Variants in TGFBR2 observed in about 807,000 individuals in gnomAD.
The protein encoded by TGFBR2 is transforming growth factor beta receptor 2.
A neutral mutation model predicts 49.0 loss-of-function variants in TGFBR2; 18 were observed. The ratio of observed to expected loss-of-function variants is 0.37; its 90% confidence interval spans 0.25 to 0.54. The LOEUF (loss-of-function observed/expected upper bound fraction) is 0.54. TGFBR2 is among the 20% of genes least tolerant of loss of function. The pLI, the probability that TGFBR2 is intolerant of heterozygous loss-of-function variation, is 0.85. For missense variants in TGFBR2, 525 were observed against 722.6 expected (o/e 0.73, Z 3.13); for synonymous variants, 282 against 275.9 (o/e 1.02, Z -0.22).
chr3:30,665,034 T>C (rs1204606785), intron 3 of TGFBR2, among the ~76,000 whole-genome samples: 1 of 152,204 alleles, frequency 6.6e-6, no homozygotes, highest in Non-Finnish European at 1.5e-5. Flanking sequence ...TGACAGTTTT[T>C]CGCACACCTT....
At chr3:30,664,597 A>G (rs939104242) in intron 3 of TGFBR2, among the ~76,000 whole-genome samples, 1 of 152,258 alleles carries the variant, frequency 6.6e-6, no homozygotes, top group Admixed American at 6.5e-5. Flanking sequence ...CCTGTGGTAT[A>G]CTTTCCTTTG....
chr3:30,673,779 T>C (rs1005863011), intron 4 of TGFBR2, among the ~76,000 whole-genome samples: 11 of 152,170 alleles, frequency 7.2e-5, no homozygotes, highest in African/African-American at 2.7e-4. Context: ...ATCACAAATA[T>C]TGTCTCTCAG....
In TGFBR2 at chr3:30,676,225, G is replaced by A. The variant is rs1484839213; in HGVS notation, c.1396+1979G>A. 1.3e-5 allele frequency among the ~76,000 whole-genome samples: 2 copies of A among 152,112 alleles called. No individual in the cohort carries two copies. The highest frequency in any genetic ancestry group is 1.5e-5 in the Non-Finnish European group (1 of 68,032). The stretch of plus-strand genomic sequence containing the variant: ...TAAATTTGGTCCTTTGGTTAAAGTG[G>A]GACCTGCTGCTATTTGTCCATTTGT... On this transcript the variant is annotated intron_variant, in intron 5 of 6. Coordinates refer to ENST00000295754, the MANE Select transcript of TGFBR2 (RefSeq NM_003242.6). The surrounding 1 kb of genome is among the most constrained non-coding windows in gnomAD (Gnocchi z 4.3).
chr3:30,668,143 T>TA (rs1699274281), intron 3 of TGFBR2, among the ~76,000 whole-genome samples: 1 of 152,170 alleles, frequency 6.6e-6, no homozygotes. Flanking sequence ...CTGTAAAATA[T>TA]AAAAAATTTG....
Position 30,672,365 on chromosome 3 carries a change from C to T in TGFBR2, c.1182C>T (p.Cys394=), listed in dbSNP as rs2125436774. 1 of 1,614,166 alleles carries T rather than the reference C, an allele frequency of 6.2e-7. No homozygotes were observed. ...NILVKNDLTC[C]LCDFGLSLRL... ...TCGTGAAGAACGACCTAACCTGCTG[C>T]CTGTGTGACTTTGGGCTTTCCCTGC... The change falls in exon 4 of 7, where the codon TGC becomes TGT. Residue 394 remains cysteine, a synonymous_variant. Transcript: ENST00000295754. The surrounding 1 kb of genome is among the most constrained non-coding windows in gnomAD (Gnocchi z 4.5).
chr3:30,654,807 G>A (rs1050429210), intron 3 of TGFBR2, among the ~76,000 whole-genome samples: 6 of 152,150 alleles, frequency 3.9e-5, no homozygotes, highest in Admixed American at 3.3e-4. Context: ...ACATGATATG[G>A]TTATTGATCT....
rs375786536 is a variant in TGFBR2, at chr3:30,656,678, T to C, written c.454+6218T>C. 4.5e-4 allele frequency among the ~76,000 whole-genome samples: 68 copies of C among 152,342 alleles called. 1 individual carries two copies. In the South Asian group the frequency reaches 0.013, roughly 29 times the overall value. ...GGACCACTTCCAGCTCCCAAATGAC[T>C]GGATCTTGGCCATCTTGCTTTTCCT... On this transcript the variant is annotated intron_variant, in intron 3 of 6. Coordinates refer to ENST00000295754, the MANE Select transcript of TGFBR2 (RefSeq NM_003242.6).
chr3:30,688,779 A>G (rs1699665740), intron 6 of TGFBR2, among the ~76,000 whole-genome samples: 1 of 152,236 alleles, frequency 6.6e-6, no homozygotes, highest in Non-Finnish European at 1.5e-5. Flanking sequence ...GTCCTGGGTT[A>G]AAACATTTTG....
intron 5 of TGFBR2, among the ~76,000 whole-genome samples, chr3:30,682,178 A>G (rs1438074949): frequency 6.6e-6 from 1 of 152,228 alleles, no homozygotes; most frequent in East Asian, 1.9e-4. Context: ...GTGGCGGTGC[A>G]GCTGGCCCTG....
intron 3 of TGFBR2, among the ~76,000 whole-genome samples, chr3:30,665,450 C>T (rs1015700271): frequency 6.6e-6 from 1 of 152,146 alleles, no homozygotes; most frequent in African/African-American, 2.4e-5. Flanking sequence ...ATCATGTTTA[C>T]AAAATAAATT....
intron 3 of TGFBR2, among the ~76,000 whole-genome samples, chr3:30,664,678 G>C (rs192021068): frequency 6.6e-6 from 1 of 152,164 alleles, no homozygotes; most frequent in Non-Finnish European, 1.5e-5. Flanking sequence ...GCACACGCGC[G>C]TGCGCGCACA....
intron 1 of TGFBR2, among the ~76,000 whole-genome samples, chr3:30,621,376 G>T (rs1698229429): frequency 6.7e-6 from 1 of 148,278 alleles, no homozygotes; most frequent in East Asian, 2.0e-4. Context: ...TGCCTCCTGG[G>T]TTCAAGTTAT....
intron 1 of TGFBR2, among the ~76,000 whole-genome samples, chr3:30,612,381 CTATG>C (rs1698046389): frequency 2.6e-5 from 4 of 151,886 alleles, no homozygotes; most frequent in Admixed American, 6.6e-5. Flanking sequence ...CGTGTGGTCT[CTATG>C]TGTGTATGCG....
intron 5 of TGFBR2, 49 bp downstream of exon 5, chr3:30,674,295 TA>T: frequency 1.2e-6 from 2 of 1,609,434 alleles, no homozygotes; most frequent in Middle Eastern, 3.5e-4. Flanking sequence ...GTCTTCAAAA[TA>T]AGATCATGTG....
chr3:30,611,674 T>C (rs1218831415), intron 1 of TGFBR2, among the ~76,000 whole-genome samples: 1 of 152,170 alleles, frequency 6.6e-6, no homozygotes, highest in East Asian at 1.9e-4. Context: ...GTTTCTTTTT[T>C]CATTGGGTTT....
In TGFBR2 at chr3:30,688,371, G is replaced by A. The variant is rs2125451536; in HGVS notation, c.1397-13G>A. 6.2e-7 allele frequency: 1 copy of A among 1,614,108 alleles called. No homozygotes were observed. Among genetic ancestry groups the A allele is most frequent in the South Asian group, 1.1e-5 (1 of 91,080 alleles). On this transcript the variant is annotated splice_polypyrimidine_tract_variant and intron_variant, in intron 5 of 6. Transcript: ENST00000295754. ...ATTCTCAGTGACCCTGTGTTTGCTG[G>A]CTTTCTTCACAGAAGTAAAAGATTA...
upstream of TGFBR2, chr3:30,606,387 C>T (rs937044096): frequency 4.4e-6 from 1 of 228,238 alleles, no homozygotes. Flanking sequence ...GCGAGGAACT[C>T]CTGAGTGGTG....
At chr3:30,656,184 CTCAG>C (rs1339048483) in intron 3 of TGFBR2, among the ~76,000 whole-genome samples, 11 of 152,328 alleles carry the variant, frequency 7.2e-5, no homozygotes, top group African/African-American at 2.6e-4. Context: ...ATATACTTTA[CTCAG>C]TCAGCTTGTG....
upstream of TGFBR2, chr3:30,606,461 C>G: frequency 4.2e-6 from 1 of 238,086 alleles, no homozygotes; most frequent in Non-Finnish European, 8.3e-6. Flanking sequence ...GTCTAGGAAA[C>G]ATGATTGGCA....
Sources: gnomAD v4.1 joint callset for allele counts (sites outside exome capture counted in the v4.1 genomes callset) on GRCh38, gnomAD v4.1.1 for gene constraint, Gnocchi (gnomAD v3.1) non-coding constraint, MANE v1.5 for transcripts, NCBI Gene and HGNC (gene_info 2026-07-23, HGNC 2026-07-21) for gene names.